NOXA1: variants seen among roughly 807,000 people sequenced by gnomAD.
NOXA1 encodes the protein NADPH oxidase activator 1.
In NOXA1, 56 loss-of-function variants were observed where a neutral mutation model predicts 64.8. The ratio of observed to expected loss-of-function variants is 0.86; its 90% CI spans 0.70 to 1.08. NOXA1 has a LOEUF of 1.08. Ranked by LOEUF, NOXA1 falls within the 50% of genes least tolerant of loss-of-function variation. The pLI, the probability that NOXA1 is intolerant of heterozygous loss-of-function variation, is 0.00. For missense variants in NOXA1, 668 were observed against 658.5 expected (o/e 1.01, Z -0.16); for synonymous variants, 295 against 294.8 (o/e 1.00, Z -0.01).
In NOXA1 at chr9:137,434,278, A is replaced by T. The variant is rs780456994; in HGVS notation, c.1349A>T (p.Lys450Met). 8.1e-6 allele frequency: 13 copies of T among 1,611,026 alleles called. No homozygotes were observed. In the Admixed American group the frequency reaches 1.8e-4, roughly 23 times the overall value. ...GACGGCCGCATCGGCATCTTCCCCA[A>T]GTGCTTCGTGGTCCCCGCCGGCCCT... Reference protein sequence around the residue: ...HCDGRIGIFPKCFVVPAGPRM... With the variant: ...HCDGRIGIFPMCFVVPAGPRM... Residue 450 changes from lysine (K) to methionine (M), a missense_variant, in exon 14 of 14, where the codon AAG becomes ATG. Transcript: ENST00000683555.
At chr9:137,430,300 C>A (rs1839052815) in intron 5 of NOXA1, among the ~76,000 whole-genome samples, 1 of 148,068 alleles carries the variant, frequency 6.8e-6, no homozygotes, top group Non-Finnish European at 1.5e-5. Flanking sequence ...CCAAAGGCAG[C>A]GGGCGAAACA....
chr9:137,429,788 C>G (rs962381861), intron 5 of NOXA1, among the ~76,000 whole-genome samples: 2 of 143,404 alleles, frequency 1.4e-5, no homozygotes, highest in Admixed American at 7.1e-5. Flanking sequence ...CCCTGCGTCC[C>G]TGCCACAGAT....
chr9:137,423,662 G>A lies in NOXA1; in HGVS notation c.133G>A (p.Gly45Ser). Residue 45 changes from glycine (G) to serine (S), a missense_variant, in exon 1 of 14, where the codon GGC becomes AGC. Gly to Ser is a moderately conservative substitution (Grantham distance 56). Transcript: ENST00000683555. ...APPARLCFNA[G>S]CVHLLAGDPE... ...GCCCGCCAGGCTGTGCTTCAACGCG[G>A]GCTGCGTGCACCTGCTGGCCGGGGA... The A allele has an allele frequency of 7.1e-7, 1 of 1,406,664 alleles. No homozygotes were observed. Among genetic ancestry groups the A allele is most frequent in the Non-Finnish European group, 9.3e-7 (1 of 1,077,144 alleles). 87.1% of individuals were successfully genotyped at this position (1,406,664 alleles called of 1,614,324 possible). A position where few individuals can be genotyped will look rare whatever the true frequency, so the allele number is the denominator to read the frequency against.
chr9:137,430,847 G>A lies in NOXA1; in HGVS notation c.672+4G>A. On this transcript the variant is annotated splice_donor_region_variant and intron_variant, in intron 6 of 13. Coordinates refer to ENST00000683555, the MANE Select transcript of NOXA1 (RefSeq NM_001256067.2). The stretch of plus-strand genomic sequence containing the variant: ...CGTCCGCCCTCAGCAGCCACAGGTG[G>A]GTTTGCGGCCCCTCAGACCCCTGCC... 6.3e-7 allele frequency: 1 copy of A among 1,582,458 alleles called. No homozygotes were observed. Among genetic ancestry groups the A allele is most frequent in the Non-Finnish European group, 8.6e-7 (1 of 1,167,052 alleles).
chr9:137,433,022 C>G lies in NOXA1; in HGVS notation c.805-7C>G. 1 of 1,612,588 alleles carries G rather than the reference C, an allele frequency of 6.2e-7. No homozygotes were observed. Among genetic ancestry groups the G allele is most frequent in the Non-Finnish European group, 8.5e-7 (1 of 1,179,848 alleles). ...CCCAGCCCACCCAGCCTGTGCTTCT[C>G]TTGCAGAGGCCCCAGGTGGAGCAAG... On this transcript the variant is annotated splice_region_variant and splice_polypyrimidine_tract_variant and intron_variant, in intron 8 of 13. Coordinates refer to ENST00000683555, the MANE Select transcript of NOXA1 (RefSeq NM_001256067.2).
chr9:137,426,527 G>A (rs1838853757), intron 2 of NOXA1, among the ~76,000 whole-genome samples, 197 bp downstream of exon 2: 1 of 152,124 alleles, frequency 6.6e-6, no homozygotes, highest in African/African-American at 2.4e-5. Context: ...ACAGGTCGTG[G>A]GGTCCTCACT....
intron 10 of NOXA1, 24 bp downstream of exon 10, chr9:137,433,287 C>G (rs1839198985): frequency 6.5e-7 from 1 of 1,543,620 alleles, no homozygotes; most frequent in African/African-American, 1.4e-5. Flanking sequence ...GACCCTTCAC[C>G]TGTCAGTCAC....
chr9:137,430,300 C>T (rs1839052815), intron 5 of NOXA1, among the ~76,000 whole-genome samples: 1 of 148,068 alleles, frequency 6.8e-6, no homozygotes, highest in Non-Finnish European at 1.5e-5. Context: ...CCAAAGGCAG[C>T]GGGCGAAACA....
rs1838990438 is a variant in NOXA1, at chr9:137,429,379, C to T, written c.608C>T (p.Ala203Val). 7 of 1,573,916 alleles carry T rather than the reference C, an allele frequency of 4.4e-6. No individual in the cohort carries two copies. The highest frequency in any genetic ancestry group is 6.0e-6 in the Non-Finnish European group (7 of 1,159,992). The part of the protein sequence containing the change: ...HLEPVDFLGK[A>V]KVVASAIPDD... Reference sequence around the variant, plus strand: ...GAGCCCGTGGATTTCCTGGGCAAGGCCAAGGTAAAGGTGGGGACGGCGTCC... The same window carrying T: ...GAGCCCGTGGATTTCCTGGGCAAGGTCAAGGTAAAGGTGGGGACGGCGTCC... Residue 203 changes from alanine (A) to valine (V), a missense_variant, in exon 5 of 14, where the codon GCC (alanine) becomes GTC (valine). Coordinates refer to ENST00000683555, the MANE Select transcript of NOXA1 (RefSeq NM_001256067.2).
At chr9:137,430,976 C>A in intron 6 of NOXA1, 99 bp from the exon 7 acceptor site, 2 of 1,589,938 alleles carry the variant, frequency 1.3e-6, no homozygotes, top group East Asian at 2.2e-5. Context: ...CCATCCCATC[C>A]CTGTGTAAGA....
chr9:137,429,035 G>A lies in NOXA1; in HGVS notation c.504+19G>A. 1 of 1,528,314 alleles carries A rather than the reference G, an allele frequency of 6.5e-7. No homozygotes were observed. The highest frequency in any genetic ancestry group is 8.8e-7 in the Non-Finnish European group (1 of 1,135,940). The allele number at this position is 1,528,314 out of a possible 1,614,324, so 94.7% of individuals were successfully genotyped here. On this transcript the variant is annotated intron_variant, in intron 4 of 13. Transcript: ENST00000683555. Reference sequence around the variant, plus strand: ...AGTGCAGGTGAGGAGTGCCAGCCCGGTCATGGTTTTGGGCTGGTGCCTACC... The same window carrying A: ...AGTGCAGGTGAGGAGTGCCAGCCCGATCATGGTTTTGGGCTGGTGCCTACC...
At chr9:137,424,008 T>C in intron 1 of NOXA1, among the ~76,000 whole-genome samples, 1 of 152,272 alleles carries the variant, frequency 6.6e-6, no homozygotes, top group South Asian at 2.1e-4. Flanking sequence ...GTTGCGCCTG[T>C]GGTCATGGCC....
In NOXA1 at chr9:137,431,348, G is replaced by A. The variant is rs767782039; in HGVS notation, c.804+7G>A. ...GACTGCCTACCAGGAGCAGGTGCGT[G>A]GGCCTGGGCCTCTTCCCCTGCTGGG... On this transcript the variant is annotated splice_region_variant and intron_variant, in intron 8 of 13. Transcript: ENST00000683555. The surrounding 1 kb of genome is among the most constrained non-coding windows in gnomAD (Gnocchi z 5.6). 1.2e-6 allele frequency: 2 copies of A among 1,602,514 alleles called. No homozygotes were observed. The highest frequency in any genetic ancestry group is 1.1e-5 in the South Asian group (1 of 91,004).
In NOXA1 at chr9:137,423,720, G is replaced by A; in HGVS notation, c.177+14G>A. ...GCCGCGCTGCGGGTGAGCGGGGCGT[G>A]GGGAGGCCGGTGCGGGCGACGCCTC... On this transcript the variant is annotated intron_variant, in intron 1 of 13. Coordinates refer to ENST00000683555, the MANE Select transcript of NOXA1 (RefSeq NM_001256067.2). 1 of 1,263,238 alleles carries A rather than the reference G, an allele frequency of 7.9e-7. No homozygotes were observed. Among genetic ancestry groups the A allele is most frequent in the Admixed American group, 4.3e-5 (1 of 23,310 alleles). 78.3% of individuals were successfully genotyped at this position (1,263,238 alleles called of 1,614,324 possible).
intron 3 of NOXA1, 66 bp from the exon 4 acceptor site, chr9:137,428,816 G>T (rs1305492849): frequency 4.0e-6 from 6 of 1,484,170 alleles, no homozygotes; most frequent in Non-Finnish European, 5.4e-6. Context: ...GGAGCTGGGT[G>T]GGGGAACCGG....
chr9:137,432,448 C>T (rs1356208532), intron 8 of NOXA1, among the ~76,000 whole-genome samples: 3 of 152,134 alleles, frequency 2.0e-5, no homozygotes, highest in African/African-American at 4.8e-5. Flanking sequence ...GGCATGGCGG[C>T]GGGCACCTGT....
At chr9:137,424,778 T>C (rs1169461829) in intron 1 of NOXA1, among the ~76,000 whole-genome samples, 1 of 152,196 alleles carries the variant, frequency 6.6e-6, no homozygotes, top group Non-Finnish European at 1.5e-5. Flanking sequence ...AGAAAGGGAA[T>C]GTAATCTTTA....
chr9:137,425,871 C>CAAAAAAAAAA (rs577104589), intron 1 of NOXA1, among the ~76,000 whole-genome samples: 323 of 108,244 alleles, frequency 3.0e-3, no homozygotes, highest in African/African-American at 0.011. Flanking sequence ...GACCCCGTCT[C>CAAAAAAAAAA]AAAAAAAAAA....
chr9:137,428,886 T>C lies in NOXA1; in HGVS notation c.374T>C (p.Leu125Pro), dbSNP rs1229353768. The C allele has an allele frequency of 6.3e-7, 1 of 1,580,946 alleles. No homozygotes were observed. The highest frequency in any genetic ancestry group is 8.6e-7 in the Non-Finnish European group (1 of 1,165,390). Residue 125 changes from leucine to proline, a missense_variant, in exon 4 of 14, where the codon CTA (leucine) becomes CCA (proline). By Grantham distance (98) the Leu-to-Pro change is moderately conservative (BLOSUM62 -3). Transcript: ENST00000683555. ...LRFKLQAWEV[L>P]HNVASAQCQL... ...TCACCTTGGCCCCACTCCCAGGTGC[T>C]ACACAATGTGGCGTCGGCACAGTGC...
Sources: gnomAD v4.1 joint callset for allele counts (sites outside exome capture counted in the v4.1 genomes callset) on GRCh38, gnomAD v4.1.1 for gene constraint, Gnocchi (gnomAD v3.1) non-coding constraint, MANE v1.5 for transcripts, NCBI Gene and HGNC (gene_info 2026-07-23, HGNC 2026-07-21) for gene names.